Variants in TMOD3 observed in about 807,000 individuals in gnomAD.
TMOD3 encodes tropomodulin 3.
In TMOD3, 20 loss-of-function variants were observed where a neutral mutation model predicts 39.2. The ratio of observed to expected loss-of-function variants is 0.51; its 90% CI spans 0.36 to 0.74. The LOEUF (loss-of-function observed/expected upper bound fraction) is 0.74. TMOD3 is among the 30% of genes least tolerant of loss of function. TMOD3 has a pLI of 0.00. For synonymous variants in TMOD3, 143 were observed against 145.8 expected (o/e 0.98, Z 0.14); for missense variants, 381 against 412.8 (o/e 0.92, Z 0.67).
chr15:51,866,522 A>AG lies in TMOD3; in HGVS notation c.127-2694dup, dbSNP rs1187451158. ...AAGGAGCCAGACCAAAAAGAAAGAA[A>AG]GAAAAAAAAGGCTTTCTAGGGAGCC... On this transcript the variant is annotated intron_variant, in intron 2 of 9. Coordinates refer to ENST00000308580, the MANE Select transcript of TMOD3 (RefSeq NM_014547.5). Among the ~76,000 whole-genome samples the AG allele has an allele frequency of 2.0e-5, 3 of 152,140 alleles. No individual in the cohort carries two copies. The East Asian group carries it at 5.8e-4, about 29-fold the overall frequency.
At chr15:51,888,226 C>A (rs2056575046) in intron 4 of TMOD3, among the ~76,000 whole-genome samples, 1 of 152,210 alleles carries the variant, frequency 6.6e-6, no homozygotes, top group Non-Finnish European at 1.5e-5. Flanking sequence ...AGACCAGTAT[C>A]TTCCCCTCCC....
intron 1 of TMOD3, among the ~76,000 whole-genome samples, chr15:51,862,092 C>G (rs1416340806): frequency 2.0e-5 from 3 of 152,094 alleles, no homozygotes; most frequent in Non-Finnish European, 4.4e-5. Flanking sequence ...GTCTCTAGAG[C>G]TACTATTAAC....
chr15:51,844,749 T>G (rs2056327610), intron 1 of TMOD3, among the ~76,000 whole-genome samples: 1 of 152,238 alleles, frequency 6.6e-6, no homozygotes, highest in Non-Finnish European at 1.5e-5. Context: ...ATTCATGTTT[T>G]CATGGAAACA....
intron 1 of TMOD3, among the ~76,000 whole-genome samples, chr15:51,854,021 G>A (rs1339512936): frequency 6.6e-6 from 1 of 152,088 alleles, no homozygotes; most frequent in Non-Finnish European, 1.5e-5. Context: ...TAAAGTTTGT[G>A]GCCTGTTTGG....
chr15:51,850,612 A>G (rs2056356720), intron 1 of TMOD3, among the ~76,000 whole-genome samples: 1 of 152,228 alleles, frequency 6.6e-6, no homozygotes, highest in Admixed American at 6.5e-5. Flanking sequence ...TAGAATTATT[A>G]GGCAGTACTC....
At chr15:51,847,607 C>T (rs74649764) in intron 1 of TMOD3, among the ~76,000 whole-genome samples, 2,316 of 152,150 alleles carry the variant, frequency 0.015, 30 homozygotes, top group Non-Finnish European at 0.023. Flanking sequence ...ATAAATTTAG[C>T]ATCCAGTATA....
chr15:51,908,732 A>AG (rs768583599), intron 9 of TMOD3, 44 bp from the exon 10 acceptor site: 6 of 1,537,218 alleles, frequency 3.9e-6, no homozygotes. Flanking sequence ...CATTGTAAAA[A>AG]CTAATAGGGA....
At chr15:51,835,538 A>T (rs2056278632) in intron 1 of TMOD3, among the ~76,000 whole-genome samples, 3 of 152,112 alleles carry the variant, frequency 2.0e-5, no homozygotes. Context: ...TGAACTCCTG[A>T]GCTCAAGCAA....
chr15:51,888,126 G>C (rs1199760937), intron 4 of TMOD3, among the ~76,000 whole-genome samples: 1 of 152,184 alleles, frequency 6.6e-6, no homozygotes, highest in Non-Finnish European at 1.5e-5. Flanking sequence ...TCAGTCCTGA[G>C]CTATACTCAC....
chr15:51,877,933 A>G (rs144091481), intron 3 of TMOD3, among the ~76,000 whole-genome samples: 143 of 151,958 alleles, frequency 9.4e-4, no homozygotes, highest in African/African-American at 3.4e-3. Context: ...CCTCACATAC[A>G]TGTACCAGTC....
At chr15:51,877,428 C>T (rs180863284) in intron 3 of TMOD3, among the ~76,000 whole-genome samples, 1 of 152,084 alleles carries the variant, frequency 6.6e-6, no homozygotes, top group East Asian at 1.9e-4. Context: ...GCCTGTAATC[C>T]CAACATTTTG....
At chr15:51,898,473 C>T (rs142654361) in intron 7 of TMOD3, among the ~76,000 whole-genome samples, 1 of 152,140 alleles carries the variant, frequency 6.6e-6, no homozygotes, top group African/African-American at 2.4e-5. Flanking sequence ...TTATCTGTGT[C>T]CCTCCCCAGC....
chr15:51,871,860 A>C (rs1052956104), intron 3 of TMOD3, among the ~76,000 whole-genome samples: 4 of 152,236 alleles, frequency 2.6e-5, no homozygotes, highest in African/African-American at 9.6e-5. Context: ...GTAGTTGAAC[A>C]AGTAATTTTA....
chr15:51,902,644 A>ATTTTTTTTTT (rs200954393), intron 9 of TMOD3, among the ~76,000 whole-genome samples: 5 of 94,984 alleles, frequency 5.3e-5, no homozygotes, highest in East Asian at 7.6e-4. Flanking sequence ...TAATTTTTGT[A>ATTTTTTTTTT]TTTTTTTTTT....
rs79943556 is a variant in TMOD3, at chr15:51,905,616, C to T, written c.1025-3160C>T. 1.4e-3 allele frequency among the ~76,000 whole-genome samples: 220 copies of T among 152,110 alleles called. 11 individuals carry two copies. Among genetic ancestry groups the T allele is most frequent in the East Asian group, 0.011 (55 of 5,176 alleles). ...GCATTAGAGAGCCATTAGAGGCCACCGAATACATGATTAAGATACTTCAAA... is the reference window on the plus strand; with the variant it reads ...GCATTAGAGAGCCATTAGAGGCCACTGAATACATGATTAAGATACTTCAAA... On this transcript the variant is annotated intron_variant, in intron 9 of 9. Coordinates refer to ENST00000308580, the MANE Select transcript of TMOD3 (RefSeq NM_014547.5).
At chr15:51,850,731 T>TTTTGTTTG (rs755369260) in intron 1 of TMOD3, among the ~76,000 whole-genome samples, 1 of 151,892 alleles carries the variant, frequency 6.6e-6, no homozygotes, top group Non-Finnish European at 1.5e-5. Context: ...GAGTTAGGTT[T>TTTTGTTTG]TTTGTTTGTT....
chr15:51,872,728 T>C (rs191556024), intron 3 of TMOD3, among the ~76,000 whole-genome samples: 1 of 151,084 alleles, frequency 6.6e-6, no homozygotes, highest in African/African-American at 2.4e-5. Flanking sequence ...GCCTCTAGAG[T>C]AGCTAGGACT....
chr15:51,886,714 A>AGAGAGG (rs367923890), intron 3 of TMOD3, among the ~76,000 whole-genome samples: 14 of 151,788 alleles, frequency 9.2e-5, no homozygotes, highest in South Asian at 2.1e-4. Flanking sequence ...GAGACCGTGG[A>AGAGAGG]GAGAGGGAGA....
At chr15:51,849,909 G>C (rs1216052022) in intron 1 of TMOD3, among the ~76,000 whole-genome samples, 1 of 151,938 alleles carries the variant, frequency 6.6e-6, no homozygotes, top group Non-Finnish European at 1.5e-5. Flanking sequence ...ATGTCAGCCT[G>C]GGTGACAGAA....
Sources: allele counts gnomAD v4.1 joint callset (sites outside exome capture counted in the v4.1 genomes callset), GRCh38; gene constraint gnomAD v4.1.1; transcripts MANE v1.5; gene names NCBI Gene and HGNC (gene_info 2026-07-23, HGNC 2026-07-21).